The following CALN1 variants were observed in gnomAD, a reference collection of about 807,000 sequenced individuals.
CALN1 encodes calneuron 1.
CALN1 carries 17 observed loss-of-function variants against 30.6 expected under a neutral mutation model. That is an observed-to-expected ratio of 0.56 (90% CI 0.38 to 0.83). The LOEUF (loss-of-function observed/expected upper bound fraction) is 0.83. Ranked by LOEUF, CALN1 falls within the 40% of genes least tolerant of loss-of-function variation. CALN1 has a pLI of 0.00. For synonymous variants in CALN1, 156 were observed against 131.4 expected (o/e 1.19, Z -1.28); for missense variants, 291 against 354.9 (o/e 0.82, Z 1.45).
chr7:71,824,763 G>T (rs974055932), intron 5 of CALN1, among the ~76,000 whole-genome samples: 1 of 152,138 alleles, frequency 6.6e-6, no homozygotes, highest in Non-Finnish European at 1.5e-5. Context: ...TCTGCAAAAG[G>T]CATTTTCCTG....
At chr7:71,841,267 C>T (rs1789923696) in intron 5 of CALN1, among the ~76,000 whole-genome samples, 1 of 152,210 alleles carries the variant, frequency 6.6e-6, no homozygotes, top group Non-Finnish European at 1.5e-5. Context: ...AGGCTGCTGC[C>T]TCTCTGCCCT....
rs1792813559 is a variant in CALN1 at position 71,783,288 on chromosome 7, G to C, written c.*4487C>G. On this transcript the variant is annotated 3_prime_UTR_variant, in exon 7 of 7. Transcript: ENST00000395275. ...CAACCAGGATGTGTGACGTGCTGAA[G>C]TCTAAAAGTTTCATCTCAGTTCATC... The C allele has an allele frequency of 6.6e-6, 1 of 152,150 alleles. No individual in the cohort carries two copies. The highest frequency in any genetic ancestry group is 1.5e-5 in the Non-Finnish European group (1 of 68,024). The allele number at this position is 152,150 out of a possible 1,614,324, so 9.4% of individuals were successfully genotyped here.
chr7:72,390,319 T>TTGAAA (rs1562941172), intron 2 of CALN1, among the ~76,000 whole-genome samples: 2 of 151,926 alleles, frequency 1.3e-5, no homozygotes, highest in Non-Finnish European at 2.9e-5. Flanking sequence ...TAATCTCAGC[T>TTGAAA]ACTCAGGAGG....
chr7:72,497,243 C>T, the CALN1 span, among the ~76,000 whole-genome samples: 2 of 152,234 alleles, frequency 1.3e-5, no homozygotes, highest in Non-Finnish European at 2.9e-5. Context: ...AGTTCAAGAC[C>T]AGCCTGAACA....
chr7:72,086,369 C>G, intron 4 of CALN1, among the ~76,000 whole-genome samples: 1 of 152,060 alleles, frequency 6.6e-6, no homozygotes. Flanking sequence ...TCGCCTAACC[C>G]TGGTATTAAA....
At chr7:72,076,700 T>TGAAAACAG (rs1804770253) in intron 4 of CALN1, among the ~76,000 whole-genome samples, 1 of 122,260 alleles carries the variant, frequency 8.2e-6, no homozygotes, top group Admixed American at 1.0e-4. Context: ...TTCTCCAGAA[T>TGAAAACAG]GAAAACAGTA....
chr7:72,335,539 C>G (rs575914979), intron 2 of CALN1, among the ~76,000 whole-genome samples: 2 of 152,184 alleles, frequency 1.3e-5, no homozygotes, highest in Non-Finnish European at 2.9e-5. Flanking sequence ...TTCCCAGCCA[C>G]ACACAGCCGG....
In CALN1 at chr7:72,356,511, G is replaced by A. The variant is rs139509851; in HGVS notation, c.119+46740C>T. 7.9e-3 allele frequency among the ~76,000 whole-genome samples: 1,192 copies of A among 151,814 alleles called. 42 individuals carry two copies. Among genetic ancestry groups the A allele is most frequent in the African/African-American group, 0.028 (1,138 of 41,216 alleles). ...CCAGTGGGTCAAGGATACACACTGC[G>A]GTCTCTAGGGATATCACTAAAATAA... On this transcript the variant is annotated intron_variant, in intron 2 of 6. Transcript: ENST00000395275.
chr7:72,394,959 A>G (rs905527906), intron 2 of CALN1, among the ~76,000 whole-genome samples: 5 of 152,122 alleles, frequency 3.3e-5, no homozygotes, highest in African/African-American at 1.2e-4. Flanking sequence ...TGCCCAGCCT[A>G]CATTCTATTC....
chr7:71,931,732 T>C (rs139759225), intron 5 of CALN1, among the ~76,000 whole-genome samples: 17 of 152,342 alleles, frequency 1.1e-4, no homozygotes, highest in Non-Finnish European at 2.4e-4. Context: ...TGTGGATAGT[T>C]AGACAGGGAT....
intron 5 of CALN1, among the ~76,000 whole-genome samples, chr7:71,919,814 A>G (rs540812202): frequency 2.0e-5 from 3 of 152,368 alleles, no homozygotes; most frequent in Non-Finnish European, 4.4e-5. Context: ...TAAAGTTACC[A>G]GTGGTCCGCG....
At chr7:71,953,569 T>A (rs1403226390) in intron 5 of CALN1, among the ~76,000 whole-genome samples, 1 of 152,200 alleles carries the variant, frequency 6.6e-6, no homozygotes, top group East Asian at 1.9e-4. Context: ...TTCCGCATTC[T>A]AAGGTGCTTT....
At chr7:72,335,643 C>T (rs983838966) in intron 2 of CALN1, among the ~76,000 whole-genome samples, 1 of 152,234 alleles carries the variant, frequency 6.6e-6, no homozygotes, top group Non-Finnish European at 1.5e-5. Context: ...AGTCTTGGCA[C>T]TCAGGGAACT....
chr7:71,999,596 C>A (rs926869439), intron 5 of CALN1, among the ~76,000 whole-genome samples: 4 of 151,850 alleles, frequency 2.6e-5, no homozygotes, highest in Non-Finnish European at 5.9e-5. Context: ...TCACTTGCAA[C>A]CTCTGCATTC....
chr7:72,368,185 CTG>C (rs1000759793), intron 2 of CALN1, among the ~76,000 whole-genome samples: 2 of 149,978 alleles, frequency 1.3e-5, no homozygotes, highest in African/African-American at 4.9e-5. Flanking sequence ...ATATGTGTAT[CTG>C]TATATATATA....
In CALN1 at chr7:72,106,182, C is replaced by T. The variant is rs1207268852; in HGVS notation, c.357G>A (p.Leu119=). The change falls in exon 4 of 7, where the codon CTG becomes CTA. Residue 119 remains leucine, a synonymous_variant. Coordinates refer to ENST00000395275, the MANE Select transcript of CALN1 (RefSeq NM_031468.4). ...TGTCCAAGCGCTGCATGATGATGGC[C>T]AGCTCCACCTCGCTTGGCATGTACC... is the stretch of plus-strand genomic sequence containing the variant. ...SLGYMPSEVE[L]AIIMQRLDMD... is the part of the protein sequence containing the mutation. The T allele has an allele frequency of 1.9e-6, 3 of 1,614,034 alleles. No individual in the cohort carries two copies. The highest frequency in any genetic ancestry group is 2.7e-5 in the African/African-American group (2 of 75,052).
At chr7:72,245,757 C>T (rs1795119737) in intron 3 of CALN1, among the ~76,000 whole-genome samples, 1 of 152,196 alleles carries the variant, frequency 6.6e-6, no homozygotes, top group Non-Finnish European at 1.5e-5. Context: ...GTATCTGCGA[C>T]TCCAAAGCCC....
chr7:71,886,934 T>C (rs536659082), intron 5 of CALN1, among the ~76,000 whole-genome samples: 24 of 152,042 alleles, frequency 1.6e-4, no homozygotes, highest in Admixed American at 4.6e-4. Context: ...CATAGCAAAA[T>C]AGGATTAGGT....
intron 1 of CALN1, among the ~76,000 whole-genome samples, chr7:72,410,742 CTA>C (rs906590989): frequency 6.6e-6 from 1 of 152,162 alleles, no homozygotes; most frequent in African/African-American, 2.4e-5. Context: ...AAATAGGGAA[CTA>C]TATATATTTC....
Sources: gnomAD v4.1 joint callset for allele counts (sites outside exome capture counted in the v4.1 genomes callset) on GRCh38, gnomAD v4.1.1 for gene constraint, MANE v1.5 for transcripts, NCBI Gene and HGNC (gene_info 2026-07-23, HGNC 2026-07-21) for gene names.